R3HDML: variants seen among roughly 807,000 people sequenced by gnomAD.
R3HDML encodes the protein R3H domain containing like, also known as peptidase inhibitor R3HDML.
Under a neutral mutation model 24.2 loss-of-function variants are expected in R3HDML, and 21 were observed. That is an observed-to-expected ratio of 0.87 (90% CI 0.62 to 1.25). The LOEUF is 1.25. Ranked by LOEUF, R3HDML falls within the 50% of genes most tolerant of loss-of-function variation. The pLI, the probability that R3HDML is intolerant of heterozygous loss-of-function variation, is 0.00. For synonymous variants in R3HDML, 133 were observed against 131.5 expected (o/e 1.01, Z -0.08); for missense variants, 301 against 340.3 (o/e 0.88, Z 0.91).
At position 44,338,213 on chromosome 20, in the gene R3HDML, C is replaced by A. The variant is rs190423049; in HGVS notation, c.261+795C>A. Reference sequence around the variant, plus strand: ...GGGAAAGAGTTTGCCAGTCTGCCCCCTGAAAGACCAACACATGCCACTCGA... The same window carrying A: ...GGGAAAGAGTTTGCCAGTCTGCCCCATGAAAGACCAACACATGCCACTCGA... On this transcript the variant is annotated intron_variant, in intron 1 of 4. Coordinates refer to ENST00000217043, the MANE Select transcript of R3HDML (RefSeq NM_178491.4). Among the ~76,000 whole-genome samples the A allele has an allele frequency of 9.2e-5, 14 of 152,232 alleles. 1 individual carries two copies. The highest frequency in any genetic ancestry group is 3.4e-4 in the African/African-American group (14 of 41,534).
intron 1 of R3HDML, among the ~76,000 whole-genome samples, chr20:44,340,991 T>G (rs1372190364): frequency 2.0e-5 from 3 of 152,174 alleles, no homozygotes; most frequent in East Asian, 3.9e-4. Context: ...GATCTGGGTG[T>G]GGACCCCAGC....
intron 3 of R3HDML, 124 bp downstream of exon 3, chr20:44,343,633 G>A: frequency 1.9e-6 from 2 of 1,038,944 alleles, no homozygotes; most frequent in Admixed American, 3.3e-5. Flanking sequence ...TTTCACCAAA[G>A]AGGCATATTC....
intron 2 of R3HDML, among the ~76,000 whole-genome samples, chr20:44,342,866 A>G (rs1383047682): frequency 2.0e-5 from 3 of 152,146 alleles, no homozygotes; most frequent in Non-Finnish European, 4.4e-5. Flanking sequence ...AGGCACAAGA[A>G]TTGCTTGAAC....
At position 44,350,902 on chromosome 20, in the gene R3HDML, C is replaced by T; in HGVS notation, c.*110C>T. On this transcript the variant is annotated 3_prime_UTR_variant, in exon 5 of 5. Transcript: ENST00000217043. Reference sequence around the variant, plus strand: ...TTCTTTAAAGGATATGAGTTAGAATCACCCCCTGTTGAATTTTCCCTCCTA... The same window carrying T: ...TTCTTTAAAGGATATGAGTTAGAATTACCCCCTGTTGAATTTTCCCTCCTA... 1 of 1,326,972 alleles carries T rather than the reference C, an allele frequency of 7.5e-7. No individual in the cohort carries two copies. The highest frequency in any genetic ancestry group is 1.3e-5 in the South Asian group (1 of 74,286). 82.2% of individuals were successfully genotyped at this position (1,326,972 alleles called of 1,614,324 possible).
intron 4 of R3HDML, among the ~76,000 whole-genome samples, chr20:44,349,616 T>C (rs749210560): frequency 5.3e-5 from 8 of 152,182 alleles, no homozygotes; most frequent in Non-Finnish European, 7.3e-5. Context: ...ACAATCACGT[T>C]TGGAGAAAAA....
chr20:44,339,717 T>C (rs1249410751), intron 1 of R3HDML, among the ~76,000 whole-genome samples: 1 of 151,404 alleles, frequency 6.6e-6, no homozygotes, highest in Non-Finnish European at 1.5e-5. Flanking sequence ...GTGTGCAGGG[T>C]GGTGGGGTTG....
intron 4 of R3HDML, 135 bp downstream of exon 4, chr20:44,345,513 G>T: frequency 3.1e-6 from 2 of 644,652 alleles, no homozygotes; most frequent in Non-Finnish European, 5.2e-6. Flanking sequence ...AGTTTTAAGA[G>T]TTTACTAAGG....
At chr20:44,343,643 C>T in intron 3 of R3HDML, 134 bp downstream of exon 3, 1 of 937,214 alleles carries the variant, frequency 1.1e-6, no homozygotes, top group Non-Finnish European at 1.5e-6. Context: ...GAGGCATATT[C>T]CTGGAAAGTT....
At chr20:44,345,498 TG>T (rs2062784064) in intron 4 of R3HDML, 120 bp downstream of exon 4, 3 of 712,978 alleles carry the variant, frequency 4.2e-6, no homozygotes, top group African/African-American at 3.6e-5. Flanking sequence ...CCATATAATT[TG>T]GGTAGTTTTA....
intron 3 of R3HDML, among the ~76,000 whole-genome samples, chr20:44,343,904 G>C (rs537316767): frequency 2.0e-5 from 3 of 152,130 alleles, no homozygotes; most frequent in Non-Finnish European, 4.4e-5. Flanking sequence ...TTGAGAGGCT[G>C]AGATGGCAGG....
chr20:44,342,015 CG>C (rs1389740872), intron 2 of R3HDML, among the ~76,000 whole-genome samples: 2 of 152,172 alleles, frequency 1.3e-5, no homozygotes, highest in African/African-American at 4.8e-5. Context: ...AGTCAGATTC[CG>C]GGGACCTTCT....
chr20:44,343,880 G>A (rs1349105758), intron 3 of R3HDML, among the ~76,000 whole-genome samples: 1 of 152,126 alleles, frequency 6.6e-6, no homozygotes, highest in African/African-American at 2.4e-5. Flanking sequence ...GCTCACGCTT[G>A]TAATCTCAGT....
intron 3 of R3HDML, 38 bp from the exon 4 acceptor site, chr20:44,345,225 C>T (rs2062782876): frequency 6.5e-7 from 1 of 1,545,940 alleles, no homozygotes; most frequent in South Asian, 1.1e-5. Context: ...TCCCACTGAG[C>T]CCTTCTCATA....
intron 2 of R3HDML, among the ~76,000 whole-genome samples, chr20:44,342,637 T>C (rs1372878191): frequency 2.0e-5 from 3 of 152,200 alleles, no homozygotes; most frequent in Non-Finnish European, 2.9e-5. Context: ...TTTGTGCCCC[T>C]GTCAAATATG....
At chr20:44,348,150 G>T (rs989636503) in intron 4 of R3HDML, among the ~76,000 whole-genome samples, 2 of 151,934 alleles carry the variant, frequency 1.3e-5, no homozygotes, top group Admixed American at 6.6e-5. Context: ...AGCCTCTGGG[G>T]CCAAGACTAC....
At chr20:44,342,083 G>A (rs574925201) in intron 2 of R3HDML, among the ~76,000 whole-genome samples, 1 of 152,236 alleles carries the variant, frequency 6.6e-6, no homozygotes, top group East Asian at 1.9e-4. Flanking sequence ...GTCCCTGTTT[G>A]TAAAACAAAG....
Position 44,339,006 on chromosome 20 carries a change from G to A in R3HDML, c.261+1588G>A, listed in dbSNP as rs371140210. On this transcript the variant is annotated intron_variant, in intron 1 of 4. Transcript: ENST00000217043. ...GAGAATCGCTTGAACCTGGGAGGCC[G>A]AGGTTGCAGTGAGCCGAGATCCAGC... Among the ~76,000 whole-genome samples the A allele has an allele frequency of 5.8e-4, 87 of 150,292 alleles. 1 individual carries two copies. The South Asian group carries it at 0.016, about 28-fold the overall frequency.
rs1303511124 is a variant in R3HDML, at chr20:44,350,744, C to A, written c.714C>A (p.Ser238Arg). ...CCAGTTATCAAGGCAGCTGCAATAG[C>A]AACATGTGCTTCAAGGGGCTGAAAT... is the stretch of plus-strand genomic sequence containing the variant. Reference protein sequence around the residue: ...CPPSYQGSCNSNMCFKGLKSN... With the variant: ...CPPSYQGSCNRNMCFKGLKSN... The change falls in exon 5 of 5, where the codon AGC becomes AGA. Residue 238 changes from serine (S) to arginine (R), a missense_variant. By Grantham distance (110) the Ser-to-Arg change is moderately radical. Coordinates refer to ENST00000217043, the MANE Select transcript of R3HDML (RefSeq NM_178491.4). The A allele has an allele frequency of 1.9e-6, 3 of 1,613,996 alleles. No homozygotes were observed. In the East Asian group the frequency reaches 6.7e-5, roughly 36 times the overall value.
At position 44,341,762 on chromosome 20, in the gene R3HDML, G is replaced by A. The variant is rs370546245; in HGVS notation, c.380+448G>A. ...TAGCCCAGTGTGGTGGCGCATGCCT[G>A]TAATCCCAAGTACTCGGGAGGCTGA... On this transcript the variant is annotated intron_variant, in intron 2 of 4. Transcript: ENST00000217043. 5.9e-5 allele frequency among the ~76,000 whole-genome samples: 9 copies of A among 152,300 alleles called. No individual in the cohort carries two copies. The South Asian group carries it at 1.9e-3, about 32-fold the overall frequency.
Sources: allele counts gnomAD v4.1 joint callset (sites outside exome capture counted in the v4.1 genomes callset), GRCh38; gene constraint gnomAD v4.1.1; transcripts MANE v1.5; gene names NCBI Gene and HGNC (gene_info 2026-07-23, HGNC 2026-07-21).